DLGAP3: variants seen among roughly 807,000 people sequenced by gnomAD.
DLGAP3 encodes the protein DLG associated protein 3.
A neutral mutation model predicts 81.2 loss-of-function variants in DLGAP3; 17 were observed. The ratio of observed to expected loss-of-function variants is 0.21; its 90% CI spans 0.14 to 0.31. The LOEUF (loss-of-function observed/expected upper bound fraction) is 0.31, where lower values mean the gene tolerates loss of function less well. Ranked by LOEUF, DLGAP3 falls within the 10% of genes least tolerant of loss-of-function variation. The pLI is 1.00. For missense variants in DLGAP3, 1,124 were observed against 1,388.0 expected, an observed-to-expected ratio of 0.81 and a Z score of 3.02; for synonymous variants, 577 against 587.4, an observed-to-expected ratio of 0.98 and a Z score of 0.26.
chr1:34,887,722 C>G (rs1639256182), intron 5 of DLGAP3, among the ~76,000 whole-genome samples: 1 of 152,188 alleles, frequency 6.6e-6, no homozygotes, highest in Admixed American at 6.5e-5. Flanking sequence ...ATGCGTGAGA[C>G]TTCTCCTAGA....
At chr1:34,905,688 C>T (rs1368913173) in intron 2 of DLGAP3, among the ~76,000 whole-genome samples, 2 of 151,974 alleles carry the variant, frequency 1.3e-5, no homozygotes, top group African/African-American at 2.4e-5. Context: ...AGAGGATATT[C>T]CCTCAGTCAA....
intron 2 of DLGAP3, among the ~76,000 whole-genome samples, chr1:34,907,135 G>A (rs961105319): frequency 2.0e-5 from 3 of 151,988 alleles, no homozygotes; most frequent in South Asian, 4.2e-4. Flanking sequence ...CCAAGTACTC[G>A]CCATATACCA....
rs1638921855 is a variant in DLGAP3, at chr1:34,868,550, A to G, written c.2485+55T>C. 2 of 1,485,756 alleles carry G rather than the reference A, an allele frequency of 1.3e-6. No homozygotes were observed. The highest frequency in any genetic ancestry group is 3.3e-5 in the Admixed American group (2 of 59,780). The allele number at this position is 1,485,756 out of a possible 1,614,324, so 92.0% of individuals were successfully genotyped here. A position where few individuals can be genotyped will look rare whatever the true frequency, so the allele number is the denominator to read the frequency against. On this transcript the variant is annotated intron_variant, in intron 9 of 11. Transcript: ENST00000373347. This position sits in a 1 kb window ranked among gnomAD's most constrained non-coding sequence, Gnocchi z 7.5. ...CAGCCACCCCCATCAGGGTCTCCTG[A>G]GCACACACGAGGCCATGGTCCCCAG...
chr1:34,900,043 A>C lies in DLGAP3; in HGVS notation c.1313+25T>G. 6.2e-7 allele frequency: 1 copy of C among 1,602,262 alleles called. No individual in the cohort carries two copies. The highest frequency in any genetic ancestry group is 8.5e-7 in the Non-Finnish European group (1 of 1,173,764). On this transcript the variant is annotated intron_variant, in intron 4 of 11. Coordinates refer to ENST00000373347, the MANE Select transcript of DLGAP3 (RefSeq NM_001080418.3). The surrounding 1 kb of genome is among the most constrained non-coding windows in gnomAD (Gnocchi z 5.6). ...TCCAGCATCAGCCTCCTGACCCCGC[A>C]CCCCCCGGCCCTCCCTGTCCTTACT...
chr1:34,923,081 T>A (rs1557507632), intron 1 of DLGAP3, among the ~76,000 whole-genome samples: 4 of 150,984 alleles, frequency 2.6e-5, no homozygotes, highest in Non-Finnish European at 1.5e-5. Flanking sequence ...CAGGAGACAA[T>A]CCCCCCGTAT....
intron 6 of DLGAP3, 95 bp from the exon 7 acceptor site, chr1:34,885,886 C>T (rs554727372): frequency 3.3e-6 from 4 of 1,198,908 alleles, no homozygotes; most frequent in East Asian, 5.2e-5. Flanking sequence ...AGAGGCCCTA[C>T]GGGACCCTGC....
At chr1:34,926,149 A>G (rs1195874269) in intron 1 of DLGAP3, among the ~76,000 whole-genome samples, 1 of 152,196 alleles carries the variant, frequency 6.6e-6, no homozygotes, top group Non-Finnish European at 1.5e-5. Flanking sequence ...TGTGTAAACC[A>G]GCTTCCAAGC....
intron 8 of DLGAP3, among the ~76,000 whole-genome samples, chr1:34,882,797 T>C (rs781769768): frequency 6.6e-6 from 1 of 152,194 alleles, no homozygotes; most frequent in African/African-American, 2.4e-5. Flanking sequence ...TTCCTTATCA[T>C]GTCCATGCTC....
intron 1 of DLGAP3, among the ~76,000 whole-genome samples, chr1:34,911,548 CTGGCTGGAAAA>C (rs1639641174): frequency 6.6e-6 from 1 of 152,164 alleles, no homozygotes; most frequent in African/African-American, 2.4e-5. Context: ...TAGCCTATGG[CTGGCTGGAAAA>C]TGGTGACTGA....
At chr1:34,876,165 G>T (rs1639053510) in intron 8 of DLGAP3, among the ~76,000 whole-genome samples, 1 of 152,156 alleles carries the variant, frequency 6.6e-6, no homozygotes, top group Admixed American at 6.5e-5. Context: ...GGGGGGTGGG[G>T]GTGTGCAGTG....
chr1:34,879,882 A>G (rs1449654614), intron 8 of DLGAP3, among the ~76,000 whole-genome samples: 1 of 152,168 alleles, frequency 6.6e-6, no homozygotes, highest in Non-Finnish European at 1.5e-5. Flanking sequence ...AAAAATATTG[A>G]AAGTTAGGGA....
chr1:34,929,644 G>T lies in DLGAP3; in HGVS notation c.-328C>A, dbSNP rs1307294157. The T allele has an allele frequency of 6.6e-6, 1 of 151,302 alleles. No individual in the cohort carries two copies. The highest frequency in any genetic ancestry group is 2.4e-5 in the African/African-American group (1 of 41,338). 9.4% of individuals were successfully genotyped at this position (151,302 alleles called of 1,614,324 possible). A position where few individuals can be genotyped will look rare whatever the true frequency, so the allele number is the denominator to read the frequency against. ...CGGGAGCGGGAGGCGGCCAAGCCAC[G>T]GAGGCTGGATTTCCCGGGGACCGGG... On this transcript the variant is annotated 5_prime_UTR_variant, in exon 1 of 12. Transcript: ENST00000373347. The surrounding 1 kb of genome is among the most constrained non-coding windows in gnomAD (Gnocchi z 6.5).
chr1:34,885,787 G>T lies in DLGAP3; in HGVS notation c.1605C>A (p.Phe535Leu). ...AAVSGRPGSS[F>L]NFRKAPPPIP... ...TGGGGGGCGGGGCCTTTCTGAAGTT[G>T]AAGGCTGTGGCCGGCGAGCGCAGAG... Residue 535 changes from phenylalanine to leucine, a missense_variant, in exon 7 of 12, where the codon TTC becomes TTA. This residue lies in a region of DLGAP3 where 379 missense variants were observed against 455.7 expected (regional missense o/e 0.83). Transcript: ENST00000373347. 1 of 1,411,394 alleles carries T rather than the reference G, an allele frequency of 7.1e-7. No individual in the cohort carries two copies. Among genetic ancestry groups the T allele is most frequent in the South Asian group, 1.6e-5 (1 of 63,032 alleles). 87.4% of individuals were successfully genotyped at this position (1,411,394 alleles called of 1,614,324 possible).
chr1:34,870,451 G>A (rs1638963045), intron 8 of DLGAP3, among the ~76,000 whole-genome samples: 1 of 152,142 alleles, frequency 6.6e-6, no homozygotes, highest in Non-Finnish European at 1.5e-5. Flanking sequence ...CTCCCCAAGA[G>A]ACTCTCCCAA....
chr1:34,925,847 T>C (rs990502024), intron 1 of DLGAP3, among the ~76,000 whole-genome samples: 1 of 152,180 alleles, frequency 6.6e-6, no homozygotes, highest in African/African-American at 2.4e-5. Flanking sequence ...GGGACCATTC[T>C]GTCCCTTTGT....
At chr1:34,866,972 G>C in intron 11 of DLGAP3, 76 bp downstream of exon 11, 6 of 1,566,326 alleles carry the variant, frequency 3.8e-6, no homozygotes, top group South Asian at 1.1e-5. Context: ...CCCCTTGTTC[G>C]TCCCACCCTC....
intron 8 of DLGAP3, among the ~76,000 whole-genome samples, chr1:34,870,439 A>C (rs1569594176): frequency 6.6e-6 from 1 of 151,840 alleles, no homozygotes; most frequent in South Asian, 2.1e-4. Context: ...GGGTCCCTCC[A>C]CCTCCCCAAG....
intron 5 of DLGAP3, among the ~76,000 whole-genome samples, chr1:34,897,957 G>A (rs1216205143): frequency 1.3e-5 from 2 of 152,208 alleles, no homozygotes. Flanking sequence ...TATCTGAAAT[G>A]GAGAATTCAG....
rs1256793219 is a variant in DLGAP3, at chr1:34,886,143, C to T, written c.1529G>A (p.Gly510Asp). Reference sequence around the variant, plus strand: ...CAGGCAGTCGTCGTCTTGAGAGCAGCCGGCCTGGATGGCCCGGAGGTAGCT... The same window carrying T: ...CAGGCAGTCGTCGTCTTGAGAGCAGTCGGCCTGGATGGCCCGGAGGTAGCT... ...SHSYLRAIQA[G>D]CSQDDDCLPL... The change falls in exon 6 of 12, where the codon GGC becomes GAC. Residue 510 changes from glycine (G) to aspartate (D), a missense_variant. Gly to Asp is a moderately conservative substitution (Grantham distance 94). This residue lies in a region of DLGAP3 where 11 missense variants were observed against 35.2 expected (regional missense o/e 0.31). Coordinates refer to ENST00000373347, the MANE Select transcript of DLGAP3 (RefSeq NM_001080418.3). 1 of 1,608,968 alleles carries T rather than the reference C, an allele frequency of 6.2e-7. No homozygotes were observed. Among genetic ancestry groups the T allele is most frequent in the Non-Finnish European group, 8.5e-7 (1 of 1,178,562 alleles).
Sources: allele counts gnomAD v4.1 joint callset (sites outside exome capture counted in the v4.1 genomes callset), GRCh38; gene constraint gnomAD v4.1.1; regional missense constraint gnomAD v4.1.1; non-coding constraint Gnocchi (gnomAD v3.1); transcripts MANE v1.5; gene names NCBI Gene and HGNC (gene_info 2026-07-23, HGNC 2026-07-21).